Variants in TJP1 observed in about 807,000 individuals in gnomAD.
TJP1 encodes the protein tight junction protein 1, also known as tight junction protein ZO-1.
A neutral mutation model predicts 194.2 loss-of-function variants in TJP1; 43 were observed. The ratio of observed to expected loss-of-function variants is 0.22; its 90% CI spans 0.17 to 0.29. The LOEUF (loss-of-function observed/expected upper bound fraction) is 0.29, where lower values mean the gene tolerates loss of function less well. Ranked by LOEUF, TJP1 falls within the 10% of genes least tolerant of loss-of-function variation. The probability of loss-of-function intolerance (pLI) is 1.00; values close to 1 mark genes in which losing one functional copy is unlikely to be tolerated. For missense variants in TJP1, 1,971 were observed against 2,185.7 expected (o/e 0.90, Z 1.96); for synonymous variants, 801 against 779.0 (o/e 1.03, Z -0.47).
At chr15:29,932,368 T>C (rs748176511) in intron 2 of TJP1, among the ~76,000 whole-genome samples, 38 of 152,182 alleles carry the variant, frequency 2.5e-4, no homozygotes, top group African/African-American at 7.2e-5. Context: ...CATGGTATTA[T>C]AGATCAGTAT....
intron 5 of TJP1, among the ~76,000 whole-genome samples, chr15:29,764,257 CTT>C (rs1375432516): frequency 3.3e-5 from 5 of 152,114 alleles, no homozygotes. Context: ...AAAGTTAAAA[CTT>C]TACCTAAGAA....
At chr15:29,778,577 G>A (rs1456492179) in intron 2 of TJP1, among the ~76,000 whole-genome samples, 1 of 152,036 alleles carries the variant, frequency 6.6e-6, no homozygotes. Context: ...TAATCCAATA[G>A]ATCCTTGCCC....
chr15:29,732,799 T>G lies in TJP1; in HGVS notation c.1753A>C (p.Ser585Arg), dbSNP rs564647938. ...GTTTTTGGAAGTGTATACTGTACACTGGCTAGCTGCTCAGCTCTACACAAG... is the reference window on the plus strand; with the variant it reads ...GTTTTTGGAAGTGTATACTGTACACGGGCTAGCTGCTCAGCTCTACACAAG... Reference protein sequence around the residue: ...PNKNRAEQLASVQYTLPKTAG... With the variant: ...PNKNRAEQLARVQYTLPKTAG... The change falls in exon 14 of 28, where the codon AGT becomes CGT. Residue 585 changes from serine (S) to arginine (R), a missense_variant. Transcript: ENST00000614355. 6.3e-7 allele frequency: 1 copy of G among 1,593,264 alleles called. No individual in the cohort carries two copies. Among genetic ancestry groups the G allele is most frequent in the African/African-American group, 1.4e-5 (1 of 73,488 alleles).
intron 2 of TJP1, among the ~76,000 whole-genome samples, chr15:29,876,226 T>G (rs1222728986): frequency 6.6e-6 from 1 of 152,150 alleles, no homozygotes; most frequent in East Asian, 1.9e-4. Context: ...GCTTAAAACA[T>G]TATGAGATTT....
At chr15:29,961,984 G>A (rs113332828) in intron 1 of TJP1, among the ~76,000 whole-genome samples, 1 of 152,204 alleles carries the variant, frequency 6.6e-6, no homozygotes. Flanking sequence ...GCAGGAGAAA[G>A]ATATACACCA....
rs530265220 is a variant in TJP1, at chr15:29,812,092, T to A, written c.27+9910A>T. ...TTTGCATTTTTACATTTGCATTTTG[T>A]GTACAGATGAGAAAACAGCCATTTA... On this transcript the variant is annotated intron_variant, in intron 1 of 27. Transcript: ENST00000614355. Among the ~76,000 whole-genome samples the A allele has an allele frequency of 1.8e-4, 28 of 152,336 alleles. 1 individual carries two copies. The South Asian group carries it at 4.8e-3, about 26-fold the overall frequency.
At chr15:29,813,640 C>T (rs1433715285) in intron 1 of TJP1, among the ~76,000 whole-genome samples, 1 of 152,034 alleles carries the variant, frequency 6.6e-6, no homozygotes, top group Non-Finnish European at 1.5e-5. Context: ...TAGGTGGTAA[C>T]TATAAAGAAA....
rs16954837 is a variant in TJP1 at position 29,933,656 on chromosome 15, C to T, written c.306+22576G>A. 6.2e-3 allele frequency among the ~76,000 whole-genome samples: 939 copies of T among 151,974 alleles called. 12 individuals carry two copies. The highest frequency in any genetic ancestry group is 0.021 in the African/African-American group (888 of 41,484). On this transcript the variant is annotated intron_variant, in intron 2 of 28. Transcript: ENST00000356107. ...ACACCACACAGTCAACAAATCTGGC[C>T]AGAAAGAAAGGTGGCAAATCAAGCT...
chr15:29,914,115 A>G (rs2054107633), intron 2 of TJP1, among the ~76,000 whole-genome samples: 1 of 152,214 alleles, frequency 6.6e-6, no homozygotes, highest in Admixed American at 6.5e-5. Flanking sequence ...ATAGCCATCC[A>G]AACAGTATTA....
rs1261397064 is a variant in TJP1 at position 29,951,393 on chromosome 15, C to G, written c.306+4839G>C. Among the ~76,000 whole-genome samples, 7 of 152,194 alleles carry G rather than the reference C, an allele frequency of 4.6e-5. No homozygotes were observed. In the South Asian group the frequency reaches 1.2e-3, roughly 27 times the overall value. ...AGGTTGACCAGGCTGGTCTCGAACT[C>G]CTGACCTCAGAAGATCCACCCGCCT... On this transcript the variant is annotated intron_variant, in intron 2 of 28. Coordinates refer to the TJP1 transcript ENST00000356107.
At position 29,716,740 on chromosome 15, in the gene TJP1, T is replaced by C; in HGVS notation, c.4073A>G (p.Gln1358Arg). The C allele has an allele frequency of 6.2e-7, 1 of 1,614,196 alleles. No individual in the cohort carries two copies. Among genetic ancestry groups the C allele is most frequent in the South Asian group, 1.1e-5 (1 of 91,082 alleles). The change falls in exon 23 of 28, where the codon CAG (glutamine) becomes CGG (arginine). Residue 1358 changes from glutamine (Q) to arginine (R), a missense_variant. Gln to Arg is a conservative substitution (Grantham distance 43). Transcript: ENST00000614355. ...ACTTCTTCGGTCAAAGTATGACAGC[T>C]GTTTTCGATAATATTCTTCATCTTC... ...PEEDEEYYRK[Q>R]LSYFDRRSFE...
chr15:29,874,258 G>C (rs1421490747), intron 2 of TJP1, among the ~76,000 whole-genome samples: 1 of 152,192 alleles, frequency 6.6e-6, no homozygotes, highest in African/African-American at 2.4e-5. Context: ...TGACAGAAGA[G>C]AACGCCTGCA....
chr15:29,798,551 G>A (rs1260062682), intron 2 of TJP1, among the ~76,000 whole-genome samples: 1 of 152,100 alleles, frequency 6.6e-6, no homozygotes, highest in Non-Finnish European at 1.5e-5. Flanking sequence ...TGCTGATGAG[G>A]ATACGCAACA....
At chr15:29,732,316 A>C in intron 15 of TJP1, 117 bp downstream of exon 15, 1 of 869,344 alleles carries the variant, frequency 1.2e-6, no homozygotes, top group South Asian at 1.7e-5. Context: ...GAATGGGATA[A>C]ACTGCTAATT....
intron 2 of TJP1, among the ~76,000 whole-genome samples, chr15:29,790,751 CTTTTTTT>C (rs926624507): frequency 3.8e-5 from 5 of 130,798 alleles, no homozygotes; most frequent in African/African-American, 5.6e-5. Context: ...GTTCATTTTT[CTTTTTTT>C]TTTTTTTTTT....
At chr15:29,795,467 T>C (rs569014580) in intron 2 of TJP1, among the ~76,000 whole-genome samples, 4 of 148,930 alleles carry the variant, frequency 2.7e-5, no homozygotes, top group African/African-American at 9.8e-5. Context: ...AAACAAACTG[T>C]AACAAGGAAA....
chr15:29,714,734 G>A lies in TJP1; in HGVS notation c.4202+1877C>T, dbSNP rs1248101107. Among the ~76,000 whole-genome samples, 9 of 149,416 alleles carry A rather than the reference G, an allele frequency of 6.0e-5. No homozygotes were observed. In the Admixed American group the frequency reaches 6.1e-4, roughly 10 times the overall value. On this transcript the variant is annotated intron_variant, in intron 23 of 27. Coordinates refer to ENST00000614355, the MANE Select transcript of TJP1 (RefSeq NM_001330239.4). Reference sequence around the variant, plus strand: ...TTTTTTGTATTTTTAGTAGAGATGGGGTTTCATCGTGTTAGCCAGGATGGT... The same window carrying A: ...TTTTTTGTATTTTTAGTAGAGATGGAGTTTCATCGTGTTAGCCAGGATGGT...
chr15:29,947,510 C>A (rs1204844477), intron 2 of TJP1, among the ~76,000 whole-genome samples: 5 of 152,192 alleles, frequency 3.3e-5, no homozygotes, highest in Non-Finnish European at 5.9e-5. Flanking sequence ...GCGGAGCAGA[C>A]CCTGCTAGTT....
intron 8 of TJP1, among the ~76,000 whole-genome samples, chr15:29,745,535 T>C (rs1010285137): frequency 2.0e-5 from 3 of 152,116 alleles, no homozygotes; most frequent in Non-Finnish European, 4.4e-5. Flanking sequence ...GATAAAAATA[T>C]CTGACAAGAT....
Sources: gnomAD v4.1 joint callset for allele counts (sites outside exome capture counted in the v4.1 genomes callset) on GRCh38, gnomAD v4.1.1 for gene constraint, MANE v1.5 for transcripts, NCBI Gene and HGNC (gene_info 2026-07-23, HGNC 2026-07-21) for gene names.